The following ADAMTS3 variants were observed in gnomAD, a reference collection of about 807,000 sequenced individuals.
ADAMTS3 encodes A disintegrin and metalloproteinase with thrombospondin motifs 3.
In ADAMTS3, 73 loss-of-function variants were observed where a neutral mutation model predicts 129.0. The ratio of observed to expected loss-of-function variants is 0.57; its 90% CI spans 0.47 to 0.69. The LOEUF (loss-of-function observed/expected upper bound fraction) is 0.69. ADAMTS3 is among the 30% of genes least tolerant of loss of function. The probability of loss-of-function intolerance (pLI) is 0.00; values close to 1 mark genes in which losing one functional copy is unlikely to be tolerated. For missense variants in ADAMTS3, 1,457 were observed against 1,514.5 expected, an observed-to-expected ratio of 0.96 and a Z score of 0.63; for synonymous variants, 477 against 510.8, an observed-to-expected ratio of 0.93 and a Z score of 0.89.
chr4:72,551,784 G>A (rs541731226), intron 2 of ADAMTS3, among the ~76,000 whole-genome samples: 8 of 152,244 alleles, frequency 5.3e-5, no homozygotes, highest in African/African-American at 1.7e-4. Flanking sequence ...GAAAATTCCT[G>A]TTCTGATCAT....
intron 5 of ADAMTS3, among the ~76,000 whole-genome samples, chr4:72,338,936 C>A (rs2109830906): frequency 1.3e-5 from 2 of 152,114 alleles, no homozygotes; most frequent in South Asian, 4.2e-4. Context: ...TTAAAGAGAC[C>A]ATTAGTGGTT....
At chr4:72,399,454 C>G (rs1487936904) in intron 4 of ADAMTS3, among the ~76,000 whole-genome samples, 1 of 152,062 alleles carries the variant, frequency 6.6e-6, no homozygotes, top group Non-Finnish European at 1.5e-5. Flanking sequence ...AATTATTTTT[C>G]TCAGCAAGGT....
intron 21 of ADAMTS3, 97 bp from the exon 22 acceptor site, chr4:72,283,801 A>C: frequency 9.3e-7 from 1 of 1,071,994 alleles, no homozygotes; most frequent in Non-Finnish European, 1.3e-6. Flanking sequence ...AAAAAGATTT[A>C]AGTGCAATCT....
chr4:72,450,986 G>GAAGAGAAGAGAAGAGAAGAA (rs1553915693), intron 3 of ADAMTS3, among the ~76,000 whole-genome samples: 8 of 66,936 alleles, frequency 1.2e-4, no homozygotes, highest in African/African-American at 4.9e-4. Flanking sequence ...GAAGAGAAGA[G>GAAGAGAAGAGAAGAGAAGAA]AAGAGAAGAG....
intron 4 of ADAMTS3, among the ~76,000 whole-genome samples, chr4:72,359,172 C>G (rs1436637777): frequency 6.6e-6 from 1 of 151,914 alleles, no homozygotes; most frequent in Non-Finnish European, 1.5e-5. Context: ...ATAGAAGATG[C>G]AACATTCAAC....
At chr4:72,530,065 TATATAAC>T (rs1367614419) in intron 3 of ADAMTS3, among the ~76,000 whole-genome samples, 12 of 5,964 alleles carry the variant, frequency 2.0e-3, no homozygotes, top group Non-Finnish European at 2.5e-3. Flanking sequence ...TAATATGTTA[TATATAAC>T]ATATTATATT....
chr4:72,343,982 A>G (rs1217535075), intron 4 of ADAMTS3, among the ~76,000 whole-genome samples: 1 of 152,152 alleles, frequency 6.6e-6, no homozygotes, highest in Non-Finnish European at 1.5e-5. Flanking sequence ...TTTTGGAAAC[A>G]TTTTAATTGT....
chr4:72,512,160 T>C (rs1408302423), intron 3 of ADAMTS3, among the ~76,000 whole-genome samples: 1 of 151,816 alleles, frequency 6.6e-6, no homozygotes, highest in Non-Finnish European at 1.5e-5. Context: ...AGTAAATGGG[T>C]ATAAAAAATA....
intron 3 of ADAMTS3, among the ~76,000 whole-genome samples, chr4:72,519,010 G>A (rs1202672249): frequency 4.0e-5 from 6 of 151,524 alleles, no homozygotes; most frequent in Non-Finnish European, 7.4e-5. Context: ...GCTTCCTTCA[G>A]GAGCTCTTTT....
chr4:72,508,869 G>A (rs1720235921), intron 3 of ADAMTS3, among the ~76,000 whole-genome samples: 1 of 151,940 alleles, frequency 6.6e-6, no homozygotes, highest in Admixed American at 6.6e-5. Flanking sequence ...TAGACCATAT[G>A]TTAGGTCAAA....
chr4:72,474,749 G>A (rs780205898), intron 3 of ADAMTS3, among the ~76,000 whole-genome samples: 18 of 152,098 alleles, frequency 1.2e-4, no homozygotes, highest in Non-Finnish European at 1.3e-4. Context: ...ATTCTAGGCC[G>A]GGCGCTGTGG....
In ADAMTS3 at chr4:72,319,749, G is replaced by T. The variant is rs1188470129; in HGVS notation, c.1208+109C>A. 3.1e-6 allele frequency: 3 copies of T among 966,572 alleles called. No individual in the cohort carries two copies. The African/African-American group carries it at 4.9e-5, about 16-fold the overall frequency. 59.9% of individuals were successfully genotyped at this position (966,572 alleles called of 1,614,324 possible). On this transcript the variant is annotated intron_variant, in intron 8 of 21. Coordinates refer to ENST00000286657, the MANE Select transcript of ADAMTS3 (RefSeq NM_014243.3). ...TTGCAGCTCTTCACACTTGGCAAAA[G>T]ACAAGAATTGTATGCTGGCATGCAT...
intron 18 of ADAMTS3, among the ~76,000 whole-genome samples, chr4:72,296,014 G>T (rs1718797473): frequency 6.6e-6 from 1 of 152,030 alleles, no homozygotes. Flanking sequence ...CTGCATGCAT[G>T]TTAAAGAACT....
intron 4 of ADAMTS3, among the ~76,000 whole-genome samples, chr4:72,391,876 TAAG>T (rs1411718550): frequency 6.6e-6 from 1 of 152,062 alleles, no homozygotes; most frequent in Non-Finnish European, 1.5e-5. Flanking sequence ...AAAAAAAAAT[TAAG>T]AAGATAACCT....
At chr4:72,415,051 CA>C (rs1722271090) in intron 3 of ADAMTS3, 80 bp from the exon 4 acceptor site, 1 of 1,081,780 alleles carries the variant, frequency 9.2e-7, no homozygotes, top group Middle Eastern at 3.0e-4. Flanking sequence ...TTTTAAATGT[CA>C]AGAATATGAC....
chr4:72,392,994 C>T (rs1329753014), intron 4 of ADAMTS3, among the ~76,000 whole-genome samples: 1 of 150,060 alleles, frequency 6.7e-6, no homozygotes, highest in Non-Finnish European at 1.5e-5. Flanking sequence ...GGCGCAATCT[C>T]AGCTCACTAC....
intron 3 of ADAMTS3, among the ~76,000 whole-genome samples, chr4:72,490,543 G>C (rs994916367): frequency 6.6e-6 from 1 of 151,838 alleles, no homozygotes; most frequent in African/African-American, 2.4e-5. Flanking sequence ...GTAAGATAAG[G>C]ATCATATTTC....
chr4:72,298,387 T>C lies in ADAMTS3; in HGVS notation c.2480A>G (p.His827Arg). The C allele has an allele frequency of 1.2e-6, 2 of 1,613,020 alleles. No individual in the cohort carries two copies. Among genetic ancestry groups the C allele is most frequent in the Non-Finnish European group, 1.7e-6 (2 of 1,179,206 alleles). Residue 827 changes from histidine (H) to arginine (R), a missense_variant, in exon 18 of 22, where the codon CAT (histidine) becomes CGT (arginine). His to Arg is a conservative substitution (Grantham distance 29). Transcript: ENST00000286657. ...GTTGATTGTAGGTACAGAGTCTTCA[T>C]GGATGATGTACTTATATGTCAGGCT... is the stretch of plus-strand genomic sequence containing the variant. Reference protein sequence around the residue: ...RSSLTYKYIIHEDSVPTINSN... With the variant: ...RSSLTYKYIIREDSVPTINSN...
chr4:72,565,526 C>G (rs1209417300), intron 2 of ADAMTS3, among the ~76,000 whole-genome samples: 1 of 152,172 alleles, frequency 6.6e-6, no homozygotes, highest in Non-Finnish European at 1.5e-5. Flanking sequence ...GATAGTTATA[C>G]TTTTGCTATC....
Sources: gnomAD v4.1 joint callset for allele counts (sites outside exome capture counted in the v4.1 genomes callset) on GRCh38, gnomAD v4.1.1 for gene constraint, MANE v1.5 for transcripts, NCBI Gene and HGNC (gene_info 2026-07-23, HGNC 2026-07-21) for gene names.